The following PRKDC variants were observed in gnomAD, a reference collection of about 807,000 sequenced individuals.
The protein encoded by PRKDC is DNA-dependent protein kinase catalytic subunit.
Under a neutral mutation model 486.9 loss-of-function variants are expected in PRKDC, and 82 were observed. That is an observed-to-expected ratio of 0.17 (90% CI 0.14 to 0.20). The LOEUF (loss-of-function observed/expected upper bound fraction) is 0.20, where lower values mean the gene tolerates loss of function less well. Ranked by LOEUF, PRKDC falls within the 10% of genes least tolerant of loss-of-function variation. The pLI, the probability that PRKDC is intolerant of heterozygous loss-of-function variation, is 1.00. For missense variants in PRKDC, 4,504 were observed against 5,038.2 expected (o/e 0.89, Z 3.21); for synonymous variants, 1,895 against 1,837.0 (o/e 1.03, Z -0.81).
chr8:47,866,159 A>AGC, intron 40 of PRKDC, among the ~76,000 whole-genome samples: 1 of 144,778 alleles, frequency 6.9e-6, no homozygotes, highest in East Asian at 2.0e-4. Context: ...TCCGTCGCAA[A>AGC]AAAAAAAAAA....
chr8:47,910,201 T>C (rs898160180), intron 25 of PRKDC, among the ~76,000 whole-genome samples: 3 of 152,066 alleles, frequency 2.0e-5, no homozygotes, highest in African/African-American at 4.8e-5. Context: ...CCCCCAATAT[T>C]CCTCTTAGTT....
At position 47,834,686 on chromosome 8, in the gene PRKDC, C is replaced by CTTCTT. The variant is rs1319694640; in HGVS notation, c.7952-291_7952-290insAAGAA. Among the ~76,000 whole-genome samples the CTTCTT allele has an allele frequency of 1.1e-3, 108 of 96,714 alleles. 3 individuals are homozygous for CTTCTT. Among genetic ancestry groups the CTTCTT allele is most frequent in the African/African-American group, 6.6e-3 (96 of 14,620 alleles). The allele number at this position is 96,714 out of a possible 152,430, so 63.4% of individuals were successfully genotyped here. Reference sequence around the variant, plus strand: ...ACTGAAAGGTGCTAAGAACCCCTGACTTTTTTTTTTTTTTTTTTTTTTGAG... The same window carrying CTTCTT: ...ACTGAAAGGTGCTAAGAACCCCTGACTTCTTTTTTTTTTTTTTTTTTTTTTTTGAG... On this transcript the variant is annotated intron_variant, in intron 58 of 85. Coordinates refer to ENST00000314191, the MANE Select transcript of PRKDC (RefSeq NM_006904.7).
intron 40 of PRKDC, among the ~76,000 whole-genome samples, chr8:47,871,590 TTTG>T (rs1005609927): frequency 1.3e-5 from 2 of 152,154 alleles, no homozygotes; most frequent in Non-Finnish European, 2.9e-5. Flanking sequence ...AGGAGTTTTT[TTTG>T]TTGTTGTTGT....
intron 72 of PRKDC, among the ~76,000 whole-genome samples, chr8:47,798,605 ATGAAGCACAGTT>A (rs1278947046): frequency 6.6e-6 from 1 of 152,080 alleles, no homozygotes; most frequent in Non-Finnish European, 1.5e-5. Flanking sequence ...CCCATTCTGC[ATGAAGCACAGTT>A]TGAATCCTGG....
At chr8:47,886,420 C>T (rs142685826) in intron 35 of PRKDC, among the ~76,000 whole-genome samples, 20 of 152,248 alleles carry the variant, frequency 1.3e-4, no homozygotes, top group African/African-American at 4.8e-4. Context: ...GACAGGGTCT[C>T]GCTCTGTTGC....
At position 47,906,162 on chromosome 8, in the gene PRKDC, T is replaced by C. The variant is rs541243683; in HGVS notation, c.2935-1186A>G. 6.1e-4 allele frequency among the ~76,000 whole-genome samples: 93 copies of C among 152,206 alleles called. 2 individuals carry two copies. The highest frequency in any genetic ancestry group is 1.2e-3 in the South Asian group (6 of 4,826). On this transcript the variant is annotated intron_variant, in intron 25 of 85. Coordinates refer to ENST00000314191, the MANE Select transcript of PRKDC (RefSeq NM_006904.7). Reference sequence around the variant, plus strand: ...CACTTCAAGACCATCCTGGGCAACATAGGAAGACCTTGTCTCTCAAAAAAT... The same window carrying C: ...CACTTCAAGACCATCCTGGGCAACACAGGAAGACCTTGTCTCTCAAAAAAT...
At chr8:47,912,919 A>C (rs2089928834) in intron 24 of PRKDC, among the ~76,000 whole-genome samples, 1 of 152,230 alleles carries the variant, frequency 6.6e-6, no homozygotes, top group Admixed American at 6.5e-5. Flanking sequence ...AAAATTTACA[A>C]ATTAATACAC....
rs2087259046 is a variant in PRKDC, at chr8:47,808,467, AATT to A, written c.9558-1144_9558-1142del. 3.3e-5 allele frequency among the ~76,000 whole-genome samples: 5 copies of A among 151,942 alleles called. No homozygotes were observed. In the South Asian group the frequency reaches 1.0e-3, roughly 32 times the overall value. ...AAAAGAGAAGTCTAGGTTGCTATTA[AATT>A]ATTATTATTTTAGAGACAGGCCTCA... is the stretch of plus-strand genomic sequence containing the variant. On this transcript the variant is annotated intron_variant, in intron 68 of 85. Coordinates refer to ENST00000314191, the MANE Select transcript of PRKDC (RefSeq NM_006904.7).
At chr8:47,947,800 T>C (rs2090558636) in intron 7 of PRKDC, among the ~76,000 whole-genome samples, 1 of 151,946 alleles carries the variant, frequency 6.6e-6, no homozygotes, top group East Asian at 1.9e-4. Flanking sequence ...CCCAGCTACT[T>C]GGGAGGCTCA....
chr8:47,818,204 T>C (rs1284086119), intron 67 of PRKDC, among the ~76,000 whole-genome samples: 1 of 152,138 alleles, frequency 6.6e-6, no homozygotes, highest in Admixed American at 6.5e-5. Flanking sequence ...CTTTCACTTA[T>C]TAGCTTAGGC....
At chr8:47,920,427 C>T (rs2090053256) in intron 21 of PRKDC, among the ~76,000 whole-genome samples, 1 of 152,166 alleles carries the variant, frequency 6.6e-6, no homozygotes, top group Non-Finnish European at 1.5e-5. Flanking sequence ...GTATAATGTT[C>T]TCCTGTATTT....
intron 40 of PRKDC, among the ~76,000 whole-genome samples, chr8:47,866,852 A>T (rs2088829926): frequency 6.6e-6 from 1 of 152,204 alleles, no homozygotes. Context: ...ACACGGGCAA[A>T]TACAAGATGA....
chr8:47,893,205 G>A lies in PRKDC; in HGVS notation c.3781C>T (p.Leu1261=), dbSNP rs1411531458. The part of the protein sequence containing the change: ...QATLCWLDLL[L]AALECYNTFI... The stretch of plus-strand genomic sequence containing the variant: ...GTGTTGTAGCACTCCAACGCGGCCA[G>A]GAGCAGGTCCAGCCAGCATAGCGTG... Residue 1261 remains leucine (L), a synonymous_variant, in exon 31 of 86, where the codon CTG becomes TTG. Transcript: ENST00000314191. 6.2e-7 allele frequency: 1 copy of A among 1,613,172 alleles called. No individual in the cohort carries two copies. Among genetic ancestry groups the A allele is most frequent in the South Asian group, 1.1e-5 (1 of 90,918 alleles).
chr8:47,823,676 T>C (rs1418748585), intron 64 of PRKDC, among the ~76,000 whole-genome samples, 182 bp downstream of exon 64: 1 of 152,130 alleles, frequency 6.6e-6, no homozygotes, highest in Non-Finnish European at 1.5e-5. Context: ...TTTCATAGTA[T>C]GGTAGGCCCT....
At chr8:47,863,296 G>A in intron 42 of PRKDC, 103 bp downstream of exon 42, 1 of 977,598 alleles carries the variant, frequency 1.0e-6, no homozygotes, top group South Asian at 1.9e-5. Context: ...TAAAAGCTCA[G>A]TATCTAAATA....
In PRKDC at chr8:47,837,319, C is replaced by T. The variant is rs1255387261; in HGVS notation, c.7654G>A (p.Val2552Met). The change falls in exon 57 of 86, where the codon GTG (valine) becomes ATG (methionine). Residue 2552 changes from valine to methionine, a missense_variant. Transcript: ENST00000314191. ...LNSLYSPKIE[V>M]HFLSLATNFL... ...TTTGTTGCTAAACTTAAAAAGTGCA[C>T]TTCTATCTTAGGAGAATATAAGGAA... 3 of 1,613,230 alleles carry T rather than the reference C, an allele frequency of 1.9e-6. No individual in the cohort carries two copies. The highest frequency in any genetic ancestry group is 2.5e-6 in the Non-Finnish European group (3 of 1,179,334).
chr8:47,918,721 A>T (rs1294101284), intron 21 of PRKDC, among the ~76,000 whole-genome samples: 1 of 152,216 alleles, frequency 6.6e-6, no homozygotes, highest in Non-Finnish European at 1.5e-5. Context: ...GATTAGACCC[A>T]CTGAAAAAAT....
At chr8:47,824,475 A>C (rs1190381011) in intron 63 of PRKDC, among the ~76,000 whole-genome samples, 12 of 149,546 alleles carry the variant, frequency 8.0e-5, no homozygotes, top group Non-Finnish European at 1.6e-4. Flanking sequence ...CCTCAAAAAA[A>C]AAAAAAAAAA....
chr8:47,830,215 C>T (rs1348172433), intron 61 of PRKDC, among the ~76,000 whole-genome samples: 2 of 152,184 alleles, frequency 1.3e-5, no homozygotes, highest in Non-Finnish European at 2.9e-5. Flanking sequence ...ACTTTTACAC[C>T]TGTTTGGTAA....
Sources: allele counts gnomAD v4.1 joint callset (sites outside exome capture counted in the v4.1 genomes callset), GRCh38; gene constraint gnomAD v4.1.1; transcripts MANE v1.5; gene names NCBI Gene and HGNC (gene_info 2026-07-23, HGNC 2026-07-21).